RABGEF1: variants seen among roughly 807,000 people sequenced by gnomAD.
The protein encoded by RABGEF1 is rab5 GDP/GTP exchange factor.
Under a neutral mutation model 57.3 loss-of-function variants are expected in RABGEF1, and 26 were observed. The ratio of observed to expected loss-of-function variants is 0.45; its 90% CI spans 0.33 to 0.63. RABGEF1 has a LOEUF of 0.63. Among genes scored for constraint, RABGEF1 ranks in the 20% least tolerant of loss-of-function variants. RABGEF1 has a pLI of 0.02. For synonymous variants in RABGEF1, 185 were observed against 210.7 expected (o/e 0.88, Z 1.06); for missense variants, 464 against 607.6 (o/e 0.76, Z 2.48).
rs1298970886 is a variant in RABGEF1 at position 66,810,234 on chromosome 7, G to C, written c.*950G>C. On this transcript the variant is annotated 3_prime_UTR_variant, in exon 9 of 9. Transcript: ENST00000284957. ...ATACATTTGACTTTGCAAACGTCTAGACATGTTTTCTGAACCTTTTTCAGG... is the reference window on the plus strand; with the variant it reads ...ATACATTTGACTTTGCAAACGTCTACACATGTTTTCTGAACCTTTTTCAGG... The C allele has an allele frequency of 6.6e-6, 1 of 152,174 alleles. No homozygotes were observed. The highest frequency in any genetic ancestry group is 2.4e-5 in the African/African-American group (1 of 41,426). 9.4% of individuals were successfully genotyped at this position (152,174 alleles called of 1,614,324 possible).
At chr7:66,805,976 C>T (rs1353787019) in intron 8 of RABGEF1, among the ~76,000 whole-genome samples, 1 of 151,634 alleles carries the variant, frequency 6.6e-6, no homozygotes, top group Non-Finnish European at 1.5e-5. Context: ...TACTCCTGGA[C>T]TCAAGCAGTC....
At chr7:66,754,476 G>A (rs1802234999) in intron 1 of RABGEF1, among the ~76,000 whole-genome samples, 1 of 152,016 alleles carries the variant, frequency 6.6e-6, no homozygotes, top group Non-Finnish European at 1.5e-5. Context: ...AGGCATGGGG[G>A]CTTATACCCG....
At chr7:66,709,116 C>T (rs1794482172) in intron 1 of RABGEF1, among the ~76,000 whole-genome samples, 1 of 151,690 alleles carries the variant, frequency 6.6e-6, no homozygotes, top group Admixed American at 6.6e-5. Context: ...CTTCTGGGTT[C>T]AAGCAATTCT....
At chr7:66,661,319 G>GAAAAAAA in the RABGEF1 span, among the ~76,000 whole-genome samples, 1 of 67,228 alleles carries the variant, frequency 1.5e-5, no homozygotes. Flanking sequence ...AAAAAAAAAT[G>GAAAAAAA]AGGGCGTTAC....
intron 1 of RABGEF1, among the ~76,000 whole-genome samples, chr7:66,701,351 A>C (rs1165781819): frequency 6.6e-6 from 1 of 152,086 alleles, no homozygotes; most frequent in Non-Finnish European, 1.5e-5. Context: ...AAATTTAAAA[A>C]ATTAGCCAGG....
chr7:66,718,812 GT>G (rs757998030), intron 2 of RABGEF1, among the ~76,000 whole-genome samples: 57 of 152,324 alleles, frequency 3.7e-4, no homozygotes, highest in Middle Eastern at 6.8e-3. Flanking sequence ...GAGCTGAAGA[GT>G]TTATATAAAT....
chr7:66,758,618 C>T (rs957099740), intron 1 of RABGEF1, among the ~76,000 whole-genome samples: 8 of 152,152 alleles, frequency 5.3e-5, no homozygotes, highest in African/African-American at 1.7e-4. Flanking sequence ...CGCAGCTGAT[C>T]CCCCATGTTT....
At chr7:66,806,640 C>CTTTTTT (rs71997947) in intron 8 of RABGEF1, among the ~76,000 whole-genome samples, 5 of 114,620 alleles carry the variant, frequency 4.4e-5, no homozygotes, top group Admixed American at 9.0e-5. Flanking sequence ...CTCATATATC[C>CTTTTTT]TTTTTTTTTT....
At chr7:66,739,229 C>T (rs1266161126), upstream of RABGEF1, among the ~76,000 whole-genome samples, 1 of 151,972 alleles carries the variant, frequency 6.6e-6, no homozygotes, top group African/African-American at 2.4e-5. Flanking sequence ...GGATTACAGG[C>T]GTGAGCCACT....
the RABGEF1 span, among the ~76,000 whole-genome samples, chr7:66,672,953 G>T: frequency 6.7e-6 from 1 of 149,262 alleles, no homozygotes; most frequent in East Asian, 2.0e-4. Flanking sequence ...GCCGGCCCCA[G>T]CTAGCAGCTC....
the RABGEF1 span, among the ~76,000 whole-genome samples, chr7:66,670,015 C>G: frequency 0.037 from 5,567 of 152,268 alleles, 159 homozygotes; most frequent in East Asian, 0.086. Context: ...TCTCTACCCC[C>G]AACAGCCAGA....
chr7:66,726,716 C>T (rs745316956), intron 2 of RABGEF1, among the ~76,000 whole-genome samples: 1 of 151,822 alleles, frequency 6.6e-6, no homozygotes, highest in East Asian at 1.9e-4. Flanking sequence ...CTAAAATGGA[C>T]TGCGAGGTCA....
chr7:66,741,841 T>C (rs1441583006), intron 1 of RABGEF1, among the ~76,000 whole-genome samples: 2 of 152,124 alleles, frequency 1.3e-5, no homozygotes, highest in East Asian at 3.9e-4. Flanking sequence ...TAACTGCTGT[T>C]AAAGAGTGTG....
At chr7:66,802,666 G>A (rs570192996) in intron 7 of RABGEF1, among the ~76,000 whole-genome samples, 4 of 152,322 alleles carry the variant, frequency 2.6e-5, no homozygotes, top group African/African-American at 9.6e-5. Context: ...GTTCCACGAA[G>A]AATTCCTTCA....
At chr7:66,742,863 G>A (rs1799315379) in intron 1 of RABGEF1, among the ~76,000 whole-genome samples, 1 of 152,088 alleles carries the variant, frequency 6.6e-6, no homozygotes, top group African/African-American at 2.4e-5. Flanking sequence ...TGCCTCAAGC[G>A]TCCCAAGTGC....
intron 1 of RABGEF1, among the ~76,000 whole-genome samples, chr7:66,747,645 A>G (rs1353609162): frequency 6.6e-6 from 1 of 152,242 alleles, no homozygotes; most frequent in African/African-American, 2.4e-5. Flanking sequence ...TCTGTTGTAC[A>G]GAGGAAATTT....
intron 2 of RABGEF1, among the ~76,000 whole-genome samples, chr7:66,724,959 C>T (rs1796437852): frequency 6.6e-6 from 1 of 152,098 alleles, no homozygotes; most frequent in African/African-American, 2.4e-5. Context: ...TTATCTTAGA[C>T]ATTATGTTTT....
chr7:66,685,629 G>A (rs916819145), intron 1 of RABGEF1, among the ~76,000 whole-genome samples: 4 of 152,160 alleles, frequency 2.6e-5, no homozygotes, highest in African/African-American at 9.7e-5. Context: ...ACCCCAGTTG[G>A]GCACACAAGT....
intron 2 of RABGEF1, chr7:66,773,853 A>G (rs1807831762): frequency 2.4e-6 from 1 of 418,118 alleles, no homozygotes; most frequent in Non-Finnish European, 4.8e-6. Flanking sequence ...TTATGTAGAG[A>G]CAGGGTTTCA....
Sources: allele counts gnomAD v4.1 joint callset (sites outside exome capture counted in the v4.1 genomes callset), GRCh38; gene constraint gnomAD v4.1.1; transcripts MANE v1.5; gene names NCBI Gene and HGNC (gene_info 2026-07-23, HGNC 2026-07-21).